The following DPH6 variants were observed in gnomAD, a reference collection of about 807,000 sequenced individuals.
DPH6 encodes the protein diphthamine biosynthesis 6, also known as diphthine--ammonia ligase.
In DPH6, 33 loss-of-function variants were observed where a neutral mutation model predicts 38.2. That is an observed-to-expected ratio of 0.86 (90% CI 0.65 to 1.15). DPH6 has a LOEUF of 1.15. DPH6 is among the 50% of genes most tolerant of loss of function. DPH6 has a pLI of 0.00. For missense variants in DPH6, 325 were observed against 320.0 expected (o/e 1.02, Z -0.12); for synonymous variants, 108 against 103.0 (o/e 1.05, Z -0.30).
chr15:35,521,087 T>C (rs1357776344), intron 3 of DPH6: 1 of 985,136 alleles, frequency 1.0e-6, no homozygotes, highest in East Asian at 1.1e-4. Flanking sequence ...AACAAGTTAT[T>C]TTCAGCCAAT....
the DPH6 span, among the ~76,000 whole-genome samples, chr15:35,204,302 A>G: frequency 3.3e-5 from 5 of 151,816 alleles, no homozygotes; most frequent in African/African-American, 1.2e-4. Context: ...CAAAGTCCAA[A>G]TAACTCAGGG....
At chr15:35,189,591 G>C in the DPH6 span, among the ~76,000 whole-genome samples, 1 of 152,264 alleles carries the variant, frequency 6.6e-6, no homozygotes, top group African/African-American at 2.4e-5. Flanking sequence ...TTAGGCATTG[G>C]TTATAATTTA....
At chr15:35,191,868 T>C in the DPH6 span, among the ~76,000 whole-genome samples, 32 of 152,188 alleles carry the variant, frequency 2.1e-4, no homozygotes, top group Admixed American at 2.1e-3. Context: ...TTCCTACATG[T>C]AGCTATGTCT....
chr15:35,287,627 C>T (rs956331061), intron 3 of DPH6, among the ~76,000 whole-genome samples: 3 of 152,050 alleles, frequency 2.0e-5, no homozygotes, highest in Non-Finnish European at 4.4e-5. Context: ...AATATTCTTC[C>T]TACGAACAGT....
At chr15:35,360,273 A>C (rs578251916) in intron 3 of DPH6, among the ~76,000 whole-genome samples, 41 of 152,202 alleles carry the variant, frequency 2.7e-4, no homozygotes, top group Non-Finnish European at 4.3e-4. Flanking sequence ...GTAGTCAGGT[A>C]CACAGTTGAA....
chr15:35,268,579 AT>A (rs963008082), intron 3 of DPH6, among the ~76,000 whole-genome samples: 16 of 151,862 alleles, frequency 1.1e-4, no homozygotes, highest in African/African-American at 3.9e-4. Flanking sequence ...CTTTAAAAAA[AT>A]TTTTTTAGGG....
chr15:35,336,747 T>C (rs991924421), intron 3 of DPH6, among the ~76,000 whole-genome samples: 10 of 152,234 alleles, frequency 6.6e-5, no homozygotes, highest in African/African-American at 2.2e-4. Context: ...CTGGATTACA[T>C]TTATTGATTT....
chr15:35,499,757 C>A (rs1265255314), intron 3 of DPH6, among the ~76,000 whole-genome samples: 2 of 152,310 alleles, frequency 1.3e-5, no homozygotes, highest in East Asian at 3.9e-4. Context: ...CAGACACTTA[C>A]TTTATCGCTT....
At chr15:35,322,169 T>C (rs560635949) in intron 3 of DPH6, among the ~76,000 whole-genome samples, 12 of 152,154 alleles carry the variant, frequency 7.9e-5, no homozygotes, top group East Asian at 5.8e-4. Flanking sequence ...ATGTTATTTA[T>C]AGGAATAATT....
chr15:35,152,751 G>A, the DPH6 span, among the ~76,000 whole-genome samples: 9 of 152,194 alleles, frequency 5.9e-5, no homozygotes, highest in Admixed American at 2.6e-4. Flanking sequence ...CACCCACCTT[G>A]GCCTCCCAAA....
chr15:35,365,735 T>C (rs1375210105), intron 3 of DPH6: 15 of 972,128 alleles, frequency 1.5e-5, no homozygotes, highest in Non-Finnish European at 1.7e-5. Context: ...GCGTTGCTAC[T>C]ACCAAAGTCC....
rs79169310 is a variant in DPH6 at position 35,299,063 on chromosome 15, T to G, written n.200+74458A>C. ...GCCTTTCTTCTCTTTCTTCTATTTC[T>G]TCTGTCTTTCCAGCTCCCGCTGTCT... On this transcript the variant is annotated intron_variant and non_coding_transcript_variant, in intron 3 of 3. Transcript: ENST00000560386. 28 of 741,992 alleles carry G rather than the reference T, an allele frequency of 3.8e-5. No individual in the cohort carries two copies. The African/African-American group carries it at 4.2e-4, about 11-fold the overall frequency. 46.0% of individuals were successfully genotyped at this position (741,992 alleles called of 1,614,324 possible).
the DPH6 span, among the ~76,000 whole-genome samples, chr15:35,203,995 G>T: frequency 6.6e-6 from 1 of 151,266 alleles, no homozygotes; most frequent in Non-Finnish European, 1.5e-5. Context: ...CCTTGACAAG[G>T]TATAACAATA....
chr15:35,271,679 G>A (rs1441038720), intron 3 of DPH6, among the ~76,000 whole-genome samples: 2 of 152,214 alleles, frequency 1.3e-5, no homozygotes, highest in Non-Finnish European at 2.9e-5. Flanking sequence ...AGAATTCTCT[G>A]TCCCAGACAT....
At chr15:35,207,529 A>G in the DPH6 span, among the ~76,000 whole-genome samples, 8 of 152,166 alleles carry the variant, frequency 5.3e-5, no homozygotes, top group Non-Finnish European at 1.0e-4. Context: ...TCCAATAAGA[A>G]TACACTCCAT....
intron 3 of DPH6, among the ~76,000 whole-genome samples, chr15:35,484,868 A>G (rs2141158269): frequency 6.6e-6 from 1 of 152,368 alleles, no homozygotes; most frequent in South Asian, 2.1e-4. Flanking sequence ...ACCTTTCATA[A>G]TAAAACGTTT....
intron 1 of DPH6, 100 bp downstream of exon 1, chr15:35,546,019 G>T: frequency 2.7e-6 from 3 of 1,111,866 alleles, no homozygotes; most frequent in East Asian, 3.2e-5. Context: ...CCCCCAACGC[G>T]CGACTCAGAC....
intron 5 of DPH6, among the ~76,000 whole-genome samples, chr15:35,421,992 G>A (rs995565084): frequency 2.0e-5 from 3 of 151,974 alleles, no homozygotes; most frequent in Non-Finnish European, 4.4e-5. Flanking sequence ...CATATGGTAG[G>A]TAAGATATAT....
chr15:35,501,313 T>C (rs2054624576), intron 3 of DPH6, among the ~76,000 whole-genome samples: 2 of 152,228 alleles, frequency 1.3e-5, no homozygotes, highest in South Asian at 4.1e-4. Flanking sequence ...AGCAAAGTGA[T>C]GCTCATGAAT....
Sources: allele counts gnomAD v4.1 joint callset (sites outside exome capture counted in the v4.1 genomes callset), GRCh38; gene constraint gnomAD v4.1.1; transcripts MANE v1.5; gene names NCBI Gene and HGNC (gene_info 2026-07-23, HGNC 2026-07-21).